The following DPYD variants were observed in gnomAD, a reference collection of about 807,000 sequenced individuals.
DPYD encodes the protein dihydropyrimidine dehydrogenase [NADP(+)].
DPYD carries 109 observed loss-of-function variants against 116.2 expected under a neutral mutation model. That is an observed-to-expected ratio of 0.94 (90% CI 0.80 to 1.10). The LOEUF (loss-of-function observed/expected upper bound fraction) is 1.10, where lower values mean the gene tolerates loss of function less well. DPYD is among the 50% of genes least tolerant of loss of function. DPYD has a pLI of 0.00. For missense variants in DPYD, 1,302 were observed against 1,254.5 expected (o/e 1.04, Z -0.57); for synonymous variants, 440 against 432.0 (o/e 1.02, Z -0.23).
At position 97,911,041 on chromosome 1, in the gene DPYD, A is replaced by C. The variant is rs72734090; in HGVS notation, c.39+9843T>G. Among the ~76,000 whole-genome samples the C allele has an allele frequency of 2.9e-3, 441 of 152,262 alleles. 2 individuals carry two copies. Among genetic ancestry groups the C allele is most frequent in the Middle Eastern group, 0.01 (3 of 294 alleles). On this transcript the variant is annotated intron_variant, in intron 1 of 22. Transcript: ENST00000370192. ...TATTCAAACAAATACAAATTAAACG[A>C]ATCACACAAAAGTTTCACCTAATTG...
intron 22 of DPYD, 135 bp from the exon 23 acceptor site, chr1:97,079,281 T>C (rs1470524669): frequency 7.0e-6 from 6 of 860,654 alleles, no homozygotes; most frequent in South Asian, 2.7e-5. Context: ...ATGGTGCAAC[T>C]ATAGCAACAG....
At chr1:97,770,775 TTTTA>T (rs1458773753) in intron 3 of DPYD, among the ~76,000 whole-genome samples, 4 of 152,200 alleles carry the variant, frequency 2.6e-5, no homozygotes, top group African/African-American at 9.6e-5. Context: ...CTTTCAAATA[TTTTA>T]TTTTTTAACA....
intron 18 of DPYD, among the ~76,000 whole-genome samples, chr1:97,237,568 T>C (rs1479686489): frequency 6.6e-6 from 1 of 152,180 alleles, no homozygotes; most frequent in East Asian, 1.9e-4. Context: ...CCTCACAGTT[T>C]TTATGTTTTA....
chr1:97,516,398 C>G (rs1648240858), intron 12 of DPYD, among the ~76,000 whole-genome samples: 1 of 151,958 alleles, frequency 6.6e-6, no homozygotes, highest in Admixed American at 6.6e-5. Flanking sequence ...AAGTCCCTGT[C>G]TTTTCTTCTC....
intron 3 of DPYD, among the ~76,000 whole-genome samples, chr1:97,794,673 C>T (rs775697666): frequency 6.6e-6 from 1 of 152,086 alleles, no homozygotes; most frequent in Non-Finnish European, 1.5e-5. Context: ...ATTTTTCAGG[C>T]TTCTCTTCTG....
At chr1:97,789,847 T>A (rs905070455) in intron 3 of DPYD, among the ~76,000 whole-genome samples, 1 of 152,214 alleles carries the variant, frequency 6.6e-6, no homozygotes, top group African/African-American at 2.4e-5. Context: ...ACAGCTGATC[T>A]CAGCTAGTTA....
At chr1:97,265,990 G>A (rs561345790) in intron 18 of DPYD, among the ~76,000 whole-genome samples, 107 of 152,122 alleles carry the variant, frequency 7.0e-4, no homozygotes, top group Non-Finnish European at 1.4e-3. Flanking sequence ...TGTGCTTTAA[G>A]TAAAGGTAAA....
At chr1:97,681,910 T>C (rs1182066613) in intron 7 of DPYD, among the ~76,000 whole-genome samples, 1 of 152,128 alleles carries the variant, frequency 6.6e-6, no homozygotes, top group Non-Finnish European at 1.5e-5. Flanking sequence ...GTGGAGGTGA[T>C]TCTCAAAATA....
chr1:97,877,221 G>T (rs1357097930), intron 2 of DPYD, among the ~76,000 whole-genome samples: 3 of 151,924 alleles, frequency 2.0e-5, no homozygotes, highest in African/African-American at 7.2e-5. Context: ...GGGTTCTAAT[G>T]AATGAAAATG....
At chr1:97,284,162 T>C (rs1017127952) in intron 18 of DPYD, among the ~76,000 whole-genome samples, 1 of 152,188 alleles carries the variant, frequency 6.6e-6, no homozygotes, top group Non-Finnish European at 1.5e-5. Context: ...ACTTCTTTCA[T>C]GTTACATGTG....
At position 97,867,028 on chromosome 1, in the gene DPYD, C is replaced by A. The variant is rs755124560; in HGVS notation, c.150+16236G>T. ...GGAAAACATAATCTATTTTAGGTTT[C>A]AAAATAATAATACAGTTGCATTTTT... On this transcript the variant is annotated intron_variant, in intron 2 of 22. Transcript: ENST00000370192. Among the ~76,000 whole-genome samples, 61 of 151,386 alleles carry A rather than the reference C, an allele frequency of 4.0e-4. 1 individual carries two copies. Among genetic ancestry groups the A allele is most frequent in the Admixed American group, 3.0e-3 (46 of 15,152 alleles).
chr1:97,650,847 TAC>T (rs552228084), intron 8 of DPYD, among the ~76,000 whole-genome samples: 50 of 148,988 alleles, frequency 3.4e-4, no homozygotes, highest in East Asian at 2.0e-3. Flanking sequence ...AAGGTGTGTA[TAC>T]ACACACACAC....
intron 3 of DPYD, among the ~76,000 whole-genome samples, chr1:97,780,880 A>G (rs1279496591): frequency 3.9e-5 from 6 of 152,250 alleles, no homozygotes; most frequent in African/African-American, 1.4e-4. Flanking sequence ...TATTTCAGAT[A>G]AAGACAATAT....
intron 1 of DPYD, among the ~76,000 whole-genome samples, chr1:97,914,311 A>G (rs1674113224): frequency 6.6e-6 from 1 of 152,158 alleles, no homozygotes; most frequent in African/African-American, 2.4e-5. Context: ...GTGTTTAGGG[A>G]TGCTTAAAAG....
chr1:97,563,871 T>C (rs996687568), intron 11 of DPYD, among the ~76,000 whole-genome samples: 1 of 152,152 alleles, frequency 6.6e-6, no homozygotes, highest in African/African-American at 2.4e-5. Context: ...TTCCATTAGT[T>C]TGGATAGTTA....
rs138973301 is a variant in DPYD, at chr1:97,285,290, C to T, written c.2299+19969G>A. On this transcript the variant is annotated intron_variant, in intron 18 of 22. Transcript: ENST00000370192. ...TCCAACAACTGCTTGCTCGCAGAAA[C>T]GAAGAGAAATGAAGAGGCTTCCTTC... 4.4e-3 allele frequency among the ~76,000 whole-genome samples: 663 copies of T among 152,214 alleles called. 12 individuals carry two copies. Among genetic ancestry groups the T allele is most frequent in the African/African-American group, 0.015 (636 of 41,542 alleles).
intron 8 of DPYD, among the ~76,000 whole-genome samples, chr1:97,644,633 T>A (rs1210981411): frequency 6.6e-6 from 1 of 150,514 alleles, no homozygotes; most frequent in African/African-American, 2.5e-5. Flanking sequence ...TTTTTTTTTG[T>A]ATTTTTAGTA....
At chr1:97,303,030 A>G (rs943020221) in intron 18 of DPYD, among the ~76,000 whole-genome samples, 2 of 151,946 alleles carry the variant, frequency 1.3e-5, no homozygotes, top group Non-Finnish European at 2.9e-5. Flanking sequence ...CATTCCTGAA[A>G]TGTGCCCAGT....
intron 16 of DPYD, among the ~76,000 whole-genome samples, chr1:97,315,420 T>C (rs1398028763): frequency 1.3e-5 from 2 of 151,962 alleles, no homozygotes; most frequent in Non-Finnish European, 2.9e-5. Context: ...AAGACTTTTC[T>C]TGTGTCTGTA....
Sources: allele counts gnomAD v4.1 joint callset (sites outside exome capture counted in the v4.1 genomes callset), GRCh38; gene constraint gnomAD v4.1.1; transcripts MANE v1.5; gene names NCBI Gene and HGNC (gene_info 2026-07-23, HGNC 2026-07-21).